The following TRAPPC13 variants were observed in gnomAD, a reference collection of about 807,000 sequenced individuals.
TRAPPC13 encodes the protein trafficking protein particle complex subunit 13.
In TRAPPC13, 39 loss-of-function variants were observed where a neutral mutation model predicts 54.0. The ratio of observed to expected loss-of-function variants is 0.72; its 90% CI spans 0.56 to 0.94. The LOEUF is 0.94. TRAPPC13 is among the 40% of genes least tolerant of loss of function. TRAPPC13 has a pLI of 0.00. For synonymous variants in TRAPPC13, 148 were observed against 167.7 expected (o/e 0.88, Z 0.91); for missense variants, 386 against 488.1 (o/e 0.79, Z 1.97).
At chr5:65,629,207 T>A (rs894513983) in intron 1 of TRAPPC13, among the ~76,000 whole-genome samples, 2 of 152,148 alleles carry the variant, frequency 1.3e-5, no homozygotes, top group African/African-American at 2.4e-5. Flanking sequence ...TTCCAAGTCC[T>A]TTATATCTAT....
chr5:65,654,945 C>T (rs1756597653), intron 7 of TRAPPC13, among the ~76,000 whole-genome samples: 1 of 152,152 alleles, frequency 6.6e-6, no homozygotes, highest in African/African-American at 2.4e-5. Context: ...GTAAGCCCCT[C>T]CCACACATAT....
At chr5:65,652,831 T>G (rs1756519171) in intron 7 of TRAPPC13, 5 of 412,446 alleles carry the variant, frequency 1.2e-5, no homozygotes, top group East Asian at 5.1e-5. Context: ...TAATGGTGGT[T>G]GTTACACTAG....
intron 9 of TRAPPC13, among the ~76,000 whole-genome samples, chr5:65,658,855 G>A (rs1472563855): frequency 6.6e-6 from 1 of 151,986 alleles, no homozygotes; most frequent in Non-Finnish European, 1.5e-5. Flanking sequence ...AAGCTGCTGG[G>A]ATTACAGGTG....
intron 5 of TRAPPC13, 138 bp downstream of exon 5, chr5:65,647,320 AC>A: frequency 1.5e-6 from 1 of 676,474 alleles, no homozygotes; most frequent in Non-Finnish European, 2.3e-6. Flanking sequence ...TGGCATGTTT[AC>A]CAGAAATAAA....
At chr5:65,646,759 A>G (rs148819338) in intron 4 of TRAPPC13, among the ~76,000 whole-genome samples, 98 of 152,206 alleles carry the variant, frequency 6.4e-4, no homozygotes, top group African/African-American at 2.2e-3. Context: ...GCCCGATTGT[A>G]TTCTTCATTT....
intron 4 of TRAPPC13, among the ~76,000 whole-genome samples, chr5:65,644,355 T>C (rs1480701655): frequency 1.3e-5 from 2 of 152,100 alleles, no homozygotes; most frequent in African/African-American, 4.8e-5. Flanking sequence ...TATACCAAAC[T>C]CTTAGTGTCC....
intron 8 of TRAPPC13, 90 bp from the exon 9 acceptor site, chr5:65,658,278 A>C: frequency 1.5e-6 from 2 of 1,307,572 alleles, no homozygotes; most frequent in Non-Finnish European, 2.1e-6. Flanking sequence ...TGTGGTTAAT[A>C]TTTTTTCTTC....
At chr5:65,655,685 CT>C (rs201828509) in intron 8 of TRAPPC13, 32 bp downstream of exon 8, 10,917 of 810,528 alleles carry the variant, frequency 0.013, 120 homozygotes, top group Non-Finnish European at 0.015. Context: ...AATTTTTATA[CT>C]TTTCTTACTC....
In TRAPPC13 at chr5:65,664,656, G is replaced by T; in HGVS notation, c.*45G>T. On this transcript the variant is annotated 3_prime_UTR_variant, in exon 13 of 13. Coordinates refer to ENST00000399438, the MANE Select transcript of TRAPPC13 (RefSeq NM_024941.4). ...GCTTTTCATTTAGTTTCACAGAACT[G>T]CTCTTTTTGTTACCTTTGTAAAATG... 1 of 1,396,708 alleles carries T rather than the reference G, an allele frequency of 7.2e-7. No individual in the cohort carries two copies. Among genetic ancestry groups the T allele is most frequent in the Non-Finnish European group, 1.0e-6 (1 of 999,558 alleles). 86.5% of individuals were successfully genotyped at this position (1,396,708 alleles called of 1,614,324 possible).
intron 8 of TRAPPC13, 109 bp from the exon 9 acceptor site, chr5:65,658,259 A>C: frequency 2.7e-6 from 3 of 1,092,146 alleles, no homozygotes; most frequent in Non-Finnish European, 3.8e-6. Context: ...GGCATGAACT[A>C]ATCACATTTG....
In TRAPPC13 at chr5:65,664,729, T is replaced by A; in HGVS notation, c.*118T>A. ...TATGTTACTTAAATTTTCTTTCCTG[T>A]AAAATGGTTAAAATATTAAATATTT... On this transcript the variant is annotated 3_prime_UTR_variant, in exon 13 of 13. Coordinates refer to ENST00000399438, the MANE Select transcript of TRAPPC13 (RefSeq NM_024941.4). 1.4e-6 allele frequency: 1 copy of A among 692,838 alleles called. No individual in the cohort carries two copies. Among genetic ancestry groups the A allele is most frequent in the Non-Finnish European group, 2.5e-6 (1 of 403,044 alleles). 42.9% of individuals were successfully genotyped at this position (692,838 alleles called of 1,614,324 possible).
At chr5:65,641,120 G>A (rs1425534778) in intron 4 of TRAPPC13, among the ~76,000 whole-genome samples, 1 of 151,942 alleles carries the variant, frequency 6.6e-6, no homozygotes, top group Non-Finnish European at 1.5e-5. Flanking sequence ...ATTTTTTAGA[G>A]ACAAGGTCTT....
chr5:65,648,430 A>G (rs1756292605), intron 5 of TRAPPC13, among the ~76,000 whole-genome samples: 1 of 152,204 alleles, frequency 6.6e-6, no homozygotes, highest in Non-Finnish European at 1.5e-5. Flanking sequence ...TAGGAGATGC[A>G]TGAAGTCTGC....
intron 8 of TRAPPC13, among the ~76,000 whole-genome samples, chr5:65,656,662 C>A (rs1756662824): frequency 6.6e-6 from 1 of 152,086 alleles, no homozygotes; most frequent in South Asian, 2.1e-4. Context: ...AATCTCAGCA[C>A]TTTGGGAGGC....
intron 4 of TRAPPC13, among the ~76,000 whole-genome samples, chr5:65,640,127 G>C (rs1390521075): frequency 6.6e-6 from 1 of 152,210 alleles, no homozygotes; most frequent in Non-Finnish European, 1.5e-5. Flanking sequence ...ACAAACTACA[G>C]CCCAAAGACC....
At chr5:65,662,803 TC>T (rs1410032013) in intron 11 of TRAPPC13, 2 of 152,310 alleles carry the variant, frequency 1.3e-5, no homozygotes, top group South Asian at 2.1e-4. Flanking sequence ...CCATATTTAT[TC>T]TTTTTGGTAT....
intron 3 of TRAPPC13, among the ~76,000 whole-genome samples, chr5:65,637,188 T>G (rs1755779923): frequency 6.6e-6 from 1 of 152,234 alleles, no homozygotes; most frequent in Admixed American, 6.5e-5. Flanking sequence ...TCATGTTCTA[T>G]AGATTACGTC....
At position 65,664,279 on chromosome 5, in the gene TRAPPC13, T is replaced by C. The variant is rs779480449; in HGVS notation, c.1041T>C (p.Asn347=). 1 of 1,613,880 alleles carries C rather than the reference T, an allele frequency of 6.2e-7. No homozygotes were observed. The highest frequency in any genetic ancestry group is 2.2e-5 in the East Asian group (1 of 44,868). Residue 347 remains asparagine, a synonymous_variant, in exon 12 of 13, where the codon AAT becomes AAC. Coordinates refer to ENST00000399438, the MANE Select transcript of TRAPPC13 (RefSeq NM_024941.4). ...TGGTTTTGGAAATGTGCAATACCAA[T>C]TCCATCCACTGGTGTGGAATTTCAG... ...MDLVLEMCNT[N]SIHWCGISGR... is the part of the protein sequence containing the mutation.
At chr5:65,658,094 C>T in intron 8 of TRAPPC13, 1 of 259,592 alleles carries the variant, frequency 3.9e-6, no homozygotes, top group Non-Finnish European at 7.3e-6. Flanking sequence ...AATGAAATTC[C>T]AGTTAAGTAT....
Sources: gnomAD v4.1 joint callset for allele counts (sites outside exome capture counted in the v4.1 genomes callset) on GRCh38, gnomAD v4.1.1 for gene constraint, MANE v1.5 for transcripts, NCBI Gene and HGNC (gene_info 2026-07-23, HGNC 2026-07-21) for gene names.